TSGA10: variants seen among roughly 807,000 people sequenced by gnomAD.
TSGA10 encodes the protein testis specific 10.
A neutral mutation model predicts 96.6 loss-of-function variants in TSGA10; 43 were observed. The observed-to-expected ratio is 0.44, with a 90% CI of 0.35 to 0.57. The LOEUF (loss-of-function observed/expected upper bound fraction) is 0.57. TSGA10 is among the 20% of genes least tolerant of loss of function. The pLI, the probability that TSGA10 is intolerant of heterozygous loss-of-function variation, is 0.01. For synonymous variants in TSGA10, 229 were observed against 269.9 expected (o/e 0.85, Z 1.48); for missense variants, 703 against 834.4 (o/e 0.84, Z 1.94).
chr2:99,122,951 A>C (rs2092655170), intron 2 of TSGA10, among the ~76,000 whole-genome samples: 1 of 152,170 alleles, frequency 6.6e-6, no homozygotes, highest in Admixed American at 6.5e-5. Flanking sequence ...CTCTGCTGGC[A>C]CAAATTATCT....
intron 10 of TSGA10, among the ~76,000 whole-genome samples, chr2:99,091,905 C>T (rs2089403136): frequency 6.6e-6 from 1 of 152,040 alleles, no homozygotes; most frequent in Admixed American, 6.5e-5. Context: ...TTAAACTATA[C>T]CCTAGTACAG....
intron 12 of TSGA10, among the ~76,000 whole-genome samples, chr2:99,077,056 T>A (rs2086787324): frequency 6.6e-6 from 1 of 151,924 alleles, no homozygotes. Context: ...GCACTTAATG[T>A]ATTCTGTCAT....
chr2:99,032,363 T>C (rs926389828), intron 17 of TSGA10, among the ~76,000 whole-genome samples: 2 of 152,192 alleles, frequency 1.3e-5, no homozygotes, highest in African/African-American at 4.8e-5. Context: ...AAAGGAACGC[T>C]GCATTTAAAA....
rs926708054 is a variant in TSGA10 at position 99,064,876 on chromosome 2, G to C, written c.1404+63C>G. 7 of 1,366,474 alleles carry C rather than the reference G, an allele frequency of 5.1e-6. No individual in the cohort carries two copies. In the African/African-American group the frequency reaches 8.8e-5, roughly 17 times the overall value. The allele number at this position is 1,366,474 out of a possible 1,614,324, so 84.6% of individuals were successfully genotyped here. ...TGTTCATACATTTAATTTATGGAAG[G>C]CCAAACAAAACTCTTTTAAATATGA... On this transcript the variant is annotated intron_variant, in intron 16 of 20. Transcript: ENST00000393483.
chr2:99,100,698 T>C (rs573026892), intron 10 of TSGA10, among the ~76,000 whole-genome samples: 9 of 151,026 alleles, frequency 6.0e-5, no homozygotes, highest in African/African-American at 2.2e-4. Flanking sequence ...CGGGCGCCTG[T>C]AGTCCCAGCT....
At chr2:99,148,559 C>T (rs890046532) in intron 1 of TSGA10, among the ~76,000 whole-genome samples, 3 of 152,180 alleles carry the variant, frequency 2.0e-5, no homozygotes, top group Non-Finnish European at 2.9e-5. Context: ...TATGGATAAA[C>T]AGGGTTTCAA....
chr2:99,041,089 A>T (rs1461810175), intron 16 of TSGA10, among the ~76,000 whole-genome samples: 1 of 152,174 alleles, frequency 6.6e-6, no homozygotes, highest in Non-Finnish European at 1.5e-5. Flanking sequence ...TCTTGCACTT[A>T]CCTATTTAGG....
intron 1 of TSGA10, among the ~76,000 whole-genome samples, chr2:99,128,591 C>G (rs1559105259): frequency 6.6e-6 from 1 of 152,190 alleles, no homozygotes; most frequent in Non-Finnish European, 1.5e-5. Context: ...TTGGTTGGTA[C>G]AGAGACCACA....
At chr2:99,066,071 C>G (rs1489655150) in intron 15 of TSGA10, among the ~76,000 whole-genome samples, 1 of 152,108 alleles carries the variant, frequency 6.6e-6, no homozygotes, top group Non-Finnish European at 1.5e-5. Flanking sequence ...TAGTGCACGT[C>G]CCTATCAGAA....
At chr2:99,086,448 A>G (rs187553129) in intron 10 of TSGA10, among the ~76,000 whole-genome samples, 8 of 152,358 alleles carry the variant, frequency 5.3e-5, no homozygotes, top group Admixed American at 2.6e-4. Flanking sequence ...CTAAAAATTA[A>G]TCAATAATAA....
At chr2:99,012,331 T>C (rs1485601638) in intron 20 of TSGA10, among the ~76,000 whole-genome samples, 1 of 152,134 alleles carries the variant, frequency 6.6e-6, no homozygotes, top group Non-Finnish European at 1.5e-5. Flanking sequence ...ATACCTAACA[T>C]CTTAATACTA....
chr2:99,079,617 T>C (rs1214657520), intron 11 of TSGA10, among the ~76,000 whole-genome samples: 1 of 152,192 alleles, frequency 6.6e-6, no homozygotes, highest in Non-Finnish European at 1.5e-5. Context: ...GTTTACCTAC[T>C]CTAGGTATTA....
chr2:99,135,263 T>C (rs1256461899), intron 1 of TSGA10, among the ~76,000 whole-genome samples: 1 of 152,208 alleles, frequency 6.6e-6, no homozygotes, highest in Non-Finnish European at 1.5e-5. Context: ...GCTGCCTTTC[T>C]TTCAGAGATG....
chr2:99,104,193 TCTGTACAAA>T, intron 9 of TSGA10, 75 bp from the exon 10 acceptor site: 2 of 1,539,704 alleles, frequency 1.3e-6, no homozygotes, highest in Non-Finnish European at 1.8e-6. Context: ...GCATACTCCC[TCTGTACAAA>T]CTGGTTTATG....
intron 17 of TSGA10, among the ~76,000 whole-genome samples, chr2:99,026,357 T>C (rs755078450): frequency 1.2e-4 from 18 of 152,194 alleles, no homozygotes; most frequent in African/African-American, 4.3e-4. Context: ...TTAAATGTTA[T>C]AGCTTTTAAA....
chr2:99,102,101 A>G, intron 10 of TSGA10: 2 of 1,473,494 alleles, frequency 1.4e-6, no homozygotes, highest in South Asian at 2.3e-5. Context: ...AAAAGTTAAT[A>G]AAGCGACAAG....
intron 20 of TSGA10, among the ~76,000 whole-genome samples, chr2:99,016,397 A>G (rs546718648): frequency 3.3e-5 from 5 of 152,338 alleles, no homozygotes; most frequent in African/African-American, 1.2e-4. Flanking sequence ...AAGTGGGGAA[A>G]GGACATCTTA....
intron 2 of TSGA10, among the ~76,000 whole-genome samples, chr2:99,123,677 T>C (rs1403930638): frequency 6.6e-6 from 1 of 152,206 alleles, no homozygotes; most frequent in Admixed American, 6.5e-5. Context: ...CTGTACCCAT[T>C]AAACAACAAT....
chr2:99,063,560 T>C (rs1363589596), intron 16 of TSGA10, among the ~76,000 whole-genome samples: 1 of 151,970 alleles, frequency 6.6e-6, no homozygotes, highest in Non-Finnish European at 1.5e-5. Flanking sequence ...ATCCCAGCAC[T>C]TTGGGAGGGC....
Sources: allele counts gnomAD v4.1 joint callset (sites outside exome capture counted in the v4.1 genomes callset), GRCh38; gene constraint gnomAD v4.1.1; transcripts MANE v1.5; gene names NCBI Gene and HGNC (gene_info 2026-07-23, HGNC 2026-07-21).